Variants in CACNA1D observed in about 807,000 individuals in gnomAD.
CACNA1D encodes calcium voltage-gated channel subunit alpha1 D, also known as voltage-dependent L-type calcium channel subunit alpha-1D.
In CACNA1D, 55 loss-of-function variants were observed where a neutral mutation model predicts 257.1. The observed-to-expected ratio is 0.21, with a 90% CI of 0.17 to 0.27. CACNA1D has a LOEUF of 0.27. CACNA1D is among the 10% of genes least tolerant of loss of function. CACNA1D has a pLI of 1.00. For synonymous variants in CACNA1D, 980 were observed against 1,014.9 expected, an observed-to-expected ratio of 0.97 and a Z score of 0.65; for missense variants, 1,876 against 2,784.0, an observed-to-expected ratio of 0.67 and a Z score of 7.34.
At chr3:53,632,323 T>G (rs1353533609) in intron 3 of CACNA1D, among the ~76,000 whole-genome samples, 1 of 152,248 alleles carries the variant, frequency 6.6e-6, no homozygotes, top group Non-Finnish European at 1.5e-5. Flanking sequence ...TCCAACTTTC[T>G]CTGCAGCTTC....
intron 3 of CACNA1D, among the ~76,000 whole-genome samples, chr3:53,608,015 G>T (rs996906690): frequency 6.6e-6 from 1 of 151,934 alleles, no homozygotes; most frequent in African/African-American, 2.4e-5. Flanking sequence ...TTAATAATTG[G>T]CTTGTCAATT....
chr3:53,705,494 C>T (rs1381664258), intron 9 of CACNA1D, among the ~76,000 whole-genome samples: 1 of 152,130 alleles, frequency 6.6e-6, no homozygotes, highest in South Asian at 2.1e-4. Flanking sequence ...TGCTATGCAC[C>T]GTGATGTGTG....
chr3:53,549,403 T>C (rs2092482240), intron 3 of CACNA1D, among the ~76,000 whole-genome samples: 1 of 152,206 alleles, frequency 6.6e-6, no homozygotes, highest in Non-Finnish European at 1.5e-5. Flanking sequence ...CAACTCTTGG[T>C]AGACTTGGGC....
At chr3:53,649,879 G>A (rs1468284633) in intron 3 of CACNA1D, among the ~76,000 whole-genome samples, 3 of 152,200 alleles carry the variant, frequency 2.0e-5, no homozygotes, top group Non-Finnish European at 2.9e-5. Context: ...TGAAACTGAA[G>A]CTGTATAAAG....
intron 3 of CACNA1D, among the ~76,000 whole-genome samples, chr3:53,637,632 G>T (rs2093900260): frequency 6.6e-6 from 1 of 152,182 alleles, no homozygotes; most frequent in South Asian, 2.1e-4. Flanking sequence ...TTGGGAAATG[G>T]TGACGGAGCC....
At chr3:53,630,963 C>A (rs1036660976) in intron 3 of CACNA1D, among the ~76,000 whole-genome samples, 5 of 152,178 alleles carry the variant, frequency 3.3e-5, no homozygotes, top group Non-Finnish European at 7.3e-5. Context: ...ATTAAAAATA[C>A]TTTATTACTA....
intron 8 of CACNA1D, chr3:53,679,734 C>A (rs1474028914): frequency 6.6e-6 from 1 of 152,176 alleles, no homozygotes; most frequent in Non-Finnish European, 1.5e-5. Flanking sequence ...CCACATTTAG[C>A]TGGATTTGTC....
Position 53,730,483 on chromosome 3 carries a change from T to C in CACNA1D, c.2263T>C (p.Leu755=). 1.2e-6 allele frequency: 2 copies of C among 1,614,204 alleles called. No individual in the cohort carries two copies. The highest frequency in any genetic ancestry group is 1.1e-5 in the South Asian group (1 of 91,088). The stretch of plus-strand genomic sequence containing the variant: ...CTTCTTGGCCATCGCTGTAGACAAT[T>C]TGGCTGATGCTGAAAGTCTGAACAC... The part of the protein sequence containing the change: ...NVFLAIAVDN[L]ADAESLNTAQ... Residue 755 remains leucine (L), a synonymous_variant, in exon 16 of 48, where the codon TTG becomes CTG. Coordinates refer to ENST00000350061, the MANE Select transcript of CACNA1D (RefSeq NM_001128840.3).
At chr3:53,717,507 T>G (rs1279722044) in intron 9 of CACNA1D, among the ~76,000 whole-genome samples, 1 of 152,186 alleles carries the variant, frequency 6.6e-6, no homozygotes, top group East Asian at 1.9e-4. Flanking sequence ...CACACACTAG[T>G]GGGCGTGTTT....
chr3:53,778,971 C>CT (rs1317538875), intron 37 of CACNA1D, among the ~76,000 whole-genome samples: 1 of 152,204 alleles, frequency 6.6e-6, no homozygotes, highest in African/African-American at 2.4e-5. Context: ...GGCCCATTGT[C>CT]TTTTACTTCC....
chr3:53,722,550 C>G (rs2094892940), intron 12 of CACNA1D, 76 bp downstream of exon 12: 7 of 1,390,994 alleles, frequency 5.0e-6, no homozygotes, highest in African/African-American at 4.3e-5. Context: ...TTGGTCTTAT[C>G]TGATCGCTGC....
intron 40 of CACNA1D, among the ~76,000 whole-genome samples, chr3:53,798,343 G>T (rs1169421567): frequency 6.7e-6 from 1 of 149,618 alleles, no homozygotes; most frequent in Non-Finnish European, 1.5e-5. Context: ...GTGTGCGTGT[G>T]TGTGTGCACG....
At chr3:53,624,668 A>G (rs2093736235) in intron 3 of CACNA1D, among the ~76,000 whole-genome samples, 2 of 152,214 alleles carry the variant, frequency 1.3e-5, no homozygotes, top group African/African-American at 2.4e-5. Context: ...GAAGCCCTCA[A>G]TGGCATTACC....
intron 37 of CACNA1D, among the ~76,000 whole-genome samples, chr3:53,778,794 G>A (rs1341868672): frequency 6.6e-6 from 1 of 152,222 alleles, no homozygotes; most frequent in Non-Finnish European, 1.5e-5. Context: ...GGGGAGCATG[G>A]ATCCTGCTCT....
chr3:53,723,922 A>G lies in CACNA1D; in HGVS notation c.2023A>G (p.Lys675Glu). ...GCTTGGGATGCAGCTGTTTGGCGGCAAGTTTAATTTTGATGAAACGCAAAC... is the reference window on the plus strand; with the variant it reads ...GCTTGGGATGCAGCTGTTTGGCGGCGAGTTTAATTTTGATGAAACGCAAAC... ...SLLGMQLFGG[K>E]FNFDETQTKR... is the part of the protein sequence containing the mutation. Residue 675 changes from lysine to glutamate, a missense_variant, in exon 14 of 48, where the codon AAG becomes GAG. Physicochemically the swap from Lys to Glu is moderately conservative, Grantham distance 56. This residue lies in a region of CACNA1D where 257 missense variants were observed against 399.7 expected (regional missense o/e 0.64). Transcript: ENST00000350061. The surrounding 1 kb of genome is among the most constrained non-coding windows in gnomAD (Gnocchi z 5.6). 1.2e-6 allele frequency: 2 copies of G among 1,614,132 alleles called. No individual in the cohort carries two copies. Among genetic ancestry groups the G allele is most frequent in the Non-Finnish European group, 1.7e-6 (2 of 1,180,028 alleles).
chr3:53,613,756 C>G (rs962838730), intron 3 of CACNA1D, among the ~76,000 whole-genome samples: 2 of 151,960 alleles, frequency 1.3e-5, no homozygotes, highest in Non-Finnish European at 2.9e-5. Context: ...AGAACTGTCA[C>G]TTTCTGACAC....
intron 3 of CACNA1D, among the ~76,000 whole-genome samples, chr3:53,556,734 T>G (rs1011959448): frequency 5.9e-5 from 9 of 152,000 alleles, no homozygotes; most frequent in Non-Finnish European, 1.3e-4. Context: ...AATTTTTTTT[T>G]GAGACAGAGT....
At chr3:53,768,971 G>A (rs1371560918) in intron 30 of CACNA1D, among the ~76,000 whole-genome samples, 1 of 152,206 alleles carries the variant, frequency 6.6e-6, no homozygotes, top group East Asian at 1.9e-4. Context: ...GGCTCCTGGT[G>A]ACACCACTGA....
Position 53,800,245 on chromosome 3 carries a change from C to A in CACNA1D, c.4924-4C>A. 2 of 1,604,634 alleles carry A rather than the reference C, an allele frequency of 1.2e-6. No homozygotes were observed. Among genetic ancestry groups the A allele is most frequent in the South Asian group, 2.2e-5 (2 of 90,892 alleles). ...AACCTGTTCTGCCATTTTCATTGATCTAGGCGGGATTAAGGACACTGCATG... is the reference window on the plus strand; with the variant it reads ...AACCTGTTCTGCCATTTTCATTGATATAGGCGGGATTAAGGACACTGCATG... On this transcript the variant is annotated splice_region_variant and splice_polypyrimidine_tract_variant and intron_variant, in intron 40 of 47. Transcript: ENST00000350061. This position sits in a 1 kb window ranked among gnomAD's most constrained non-coding sequence, Gnocchi z 4.3.
Sources: allele counts gnomAD v4.1 joint callset (sites outside exome capture counted in the v4.1 genomes callset), GRCh38; gene constraint gnomAD v4.1.1; regional missense constraint gnomAD v4.1.1; non-coding constraint Gnocchi (gnomAD v3.1); transcripts MANE v1.5; gene names NCBI Gene and HGNC (gene_info 2026-07-23, HGNC 2026-07-21).